The following CDH18 variants were observed in gnomAD, a reference collection of about 807,000 sequenced individuals.
CDH18 encodes cadherin-18.
Under a neutral mutation model 67.9 loss-of-function variants are expected in CDH18, and 31 were observed. That is an observed-to-expected ratio of 0.46 (90% CI 0.34 to 0.62). The LOEUF (loss-of-function observed/expected upper bound fraction) is 0.62, where lower values mean the gene tolerates loss of function less well. Among genes scored for constraint, CDH18 ranks in the 20% least tolerant of loss-of-function variants. The pLI is 0.01. For missense variants in CDH18, 890 were observed against 975.5 expected (o/e 0.91, Z 1.17); for synonymous variants, 362 against 347.2 (o/e 1.04, Z -0.48).
intron 1 of CDH18, among the ~76,000 whole-genome samples, chr5:20,273,218 A>T (rs1300742219): frequency 2.0e-5 from 3 of 152,066 alleles, no homozygotes; most frequent in Admixed American, 6.6e-5. Flanking sequence ...AAACAGAAAT[A>T]TCGGGACCTA....
At chr5:19,986,089 G>A (rs1213380350) in intron 1 of CDH18, among the ~76,000 whole-genome samples, 5 of 152,052 alleles carry the variant, frequency 3.3e-5, no homozygotes, top group Non-Finnish European at 7.4e-5. Flanking sequence ...ATCAGCCAAT[G>A]GGACAAAAAG....
intron 1 of CDH18, among the ~76,000 whole-genome samples, chr5:20,514,427 C>G (rs1310690086): frequency 2.0e-5 from 3 of 152,082 alleles, no homozygotes; most frequent in Non-Finnish European, 4.4e-5. Flanking sequence ...CAATGTCAAG[C>G]TTGGTCGTCA....
In CDH18 at chr5:19,907,221, C is replaced by T. The variant is rs562547096; in HGVS notation, c.-256-67979G>A. On this transcript the variant is annotated intron_variant, in intron 2 of 12. Transcript: ENST00000382275. ...TTTCAGAAATGCTGTCTATCAAACC[C>T]GTGTCTGTAGATTGACAAACAATAC... Among the ~76,000 whole-genome samples, 8 of 151,606 alleles carry T rather than the reference C, an allele frequency of 5.3e-5. No individual in the cohort carries two copies. In the East Asian group the frequency reaches 9.7e-4, roughly 18 times the overall value.
intron 3 of CDH18, among the ~76,000 whole-genome samples, chr5:19,805,714 T>C (rs1205274889): frequency 6.6e-6 from 1 of 152,138 alleles, no homozygotes; most frequent in East Asian, 1.9e-4. Flanking sequence ...GCAGCCCTTT[T>C]TTTTTCCCTT....
At chr5:19,697,896 T>G in intron 5 of CDH18, among the ~76,000 whole-genome samples, 1 of 152,168 alleles carries the variant, frequency 6.6e-6, no homozygotes, top group East Asian at 1.9e-4. Flanking sequence ...CAGATGAACA[T>G]GGGCTTTGTC....
intron 2 of CDH18, among the ~76,000 whole-genome samples, chr5:19,910,587 T>G (rs929393481): frequency 6.6e-6 from 1 of 152,184 alleles, no homozygotes; most frequent in Non-Finnish European, 1.5e-5. Context: ...ATAAGATTTA[T>G]AGGCACTATG....
Position 20,501,717 on chromosome 5 carries a change from T to TTGTGTGTG in CDH18, c.-580+73737_-580+73744dup, listed in dbSNP as rs1170488048. On this transcript the variant is annotated intron_variant, in intron 1 of 14. Transcript: ENST00000507958. ...GGCCAAACCCTAAAATCTTAAGGAT[T>TTGTGTGTG]TGTGTGTGTGTGTGTGTGTGTGTGT... 3.1e-3 allele frequency among the ~76,000 whole-genome samples: 376 copies of TTGTGTGTG among 121,262 alleles called. 2 individuals carry two copies. The highest frequency in any genetic ancestry group is 8.2e-3 in the South Asian group (29 of 3,526). The allele number at this position is 121,262 out of a possible 152,430, so 79.6% of individuals were successfully genotyped here.
rs1455841841 is a variant in CDH18, at chr5:20,343,896, C to A, written c.-579-88391G>T. On this transcript the variant is annotated intron_variant, in intron 1 of 14. Transcript: ENST00000507958. ...GGCAGTAATACATTGCAAAGTCCACCAAAAGAGGATGGGTAAAATAACCAA... is the reference window on the plus strand; with the variant it reads ...GGCAGTAATACATTGCAAAGTCCACAAAAAGAGGATGGGTAAAATAACCAA... Among the ~76,000 whole-genome samples the A allele has an allele frequency of 3.3e-5, 5 of 152,110 alleles. No individual in the cohort carries two copies. The East Asian group carries it at 9.6e-4, about 29-fold the overall frequency.
rs1399969711 is a variant in CDH18 at position 20,345,271 on chromosome 5, G to A, written c.-579-89766C>T. Reference sequence around the variant, plus strand: ...TAATTTGTATATTGGGGTATATTGGGGTACTATTTTTTATAACTGCTGCTC... The same window carrying A: ...TAATTTGTATATTGGGGTATATTGGAGTACTATTTTTTATAACTGCTGCTC... On this transcript the variant is annotated intron_variant, in intron 1 of 14. Coordinates refer to the CDH18 transcript ENST00000507958. Among the ~76,000 whole-genome samples the A allele has an allele frequency of 4.8e-5, 7 of 146,274 alleles. 1 individual carries two copies. The South Asian group carries it at 6.7e-4, about 14-fold the overall frequency.
At chr5:20,115,390 T>C (rs543066232) in intron 2 of CDH18, among the ~76,000 whole-genome samples, 4 of 146,306 alleles carry the variant, frequency 2.7e-5, no homozygotes, top group African/African-American at 1.0e-4. Flanking sequence ...GCAATTCTCC[T>C]GCCTCAGCCT....
At position 20,090,584 on chromosome 5, in the gene CDH18, A is replaced by T. The variant is rs113249916; in HGVS notation, c.-517-98570T>A. Among the ~76,000 whole-genome samples, 332 of 152,204 alleles carry T rather than the reference A, an allele frequency of 2.2e-3. 1 individual carries two copies. The highest frequency in any genetic ancestry group is 7.5e-3 in the African/African-American group (312 of 41,534). ...CAAACAAACAAAAAAGAAAACAGTA[A>T]ATGTGTTTACTATGTGAAACTCTTG... On this transcript the variant is annotated intron_variant, in intron 2 of 14. Transcript: ENST00000507958.
chr5:20,360,076 CTATAA>C (rs1271837779), intron 1 of CDH18, among the ~76,000 whole-genome samples: 4 of 25,114 alleles, frequency 1.6e-4, no homozygotes, highest in East Asian at 7.0e-4. Flanking sequence ...ATTATTGTAA[CTATAA>C]TATATGTTAT....
chr5:20,020,616 C>T (rs930786856), intron 2 of CDH18, among the ~76,000 whole-genome samples: 3 of 152,158 alleles, frequency 2.0e-5, no homozygotes, highest in Non-Finnish European at 2.9e-5. Flanking sequence ...CCATAATAAG[C>T]TTTCATGGCC....
At chr5:20,417,511 A>G (rs1580952892) in intron 1 of CDH18, among the ~76,000 whole-genome samples, 2 of 152,182 alleles carry the variant, frequency 1.3e-5, no homozygotes, top group East Asian at 3.9e-4. Flanking sequence ...TAGCATTAGA[A>G]GGTATTGGGG....
intron 7 of CDH18, among the ~76,000 whole-genome samples, chr5:19,583,539 G>T (rs536764215): frequency 6.6e-6 from 1 of 152,056 alleles, no homozygotes; most frequent in Non-Finnish European, 1.5e-5. Flanking sequence ...ATCAAATAAC[G>T]TGAAATAAAG....
intron 1 of CDH18, among the ~76,000 whole-genome samples, chr5:20,573,498 TAGA>T (rs1237386661): frequency 2.0e-5 from 3 of 151,558 alleles, no homozygotes; most frequent in Non-Finnish European, 2.9e-5. Flanking sequence ...TAAAAATGAG[TAGA>T]AGAATTAGTT....
chr5:19,894,230 A>C (rs1023904196), intron 2 of CDH18, among the ~76,000 whole-genome samples: 1 of 152,064 alleles, frequency 6.6e-6, no homozygotes, highest in Non-Finnish European at 1.5e-5. Context: ...GAAAGACTAC[A>C]GTATTTCAAT....
intron 4 of CDH18, 124 bp from the exon 5 acceptor site, chr5:19,721,590 T>A (rs1446103195): frequency 1.2e-5 from 8 of 679,104 alleles, no homozygotes; most frequent in African/African-American, 1.8e-5. Flanking sequence ...CTAGTAAATT[T>A]AATTAAATTT....
At chr5:19,921,816 T>A (rs929229176) in intron 2 of CDH18, among the ~76,000 whole-genome samples, 7 of 152,100 alleles carry the variant, frequency 4.6e-5, no homozygotes, top group Non-Finnish European at 1.0e-4. Flanking sequence ...GATAATCAAG[T>A]ATGAAGAGAG....
Sources: gnomAD v4.1 joint callset for allele counts (sites outside exome capture counted in the v4.1 genomes callset) on GRCh38, gnomAD v4.1.1 for gene constraint, MANE v1.5 for transcripts, NCBI Gene and HGNC (gene_info 2026-07-23, HGNC 2026-07-21) for gene names.